UGT1A8: variants seen among roughly 807,000 people sequenced by gnomAD.
UGT1A8 encodes the protein UDP-glucuronosyltransferase 1A8.
In UGT1A8, 39 loss-of-function variants were observed where a neutral mutation model predicts 45.3. The ratio of observed to expected loss-of-function variants is 0.86; its 90% confidence interval spans 0.67 to 1.12. The LOEUF is 1.12. UGT1A8 is among the 50% of genes most tolerant of loss of function. The probability of loss-of-function intolerance (pLI) is 0.00; values close to 1 mark genes in which losing one functional copy is unlikely to be tolerated. For synonymous variants in UGT1A8, 275 were observed against 249.2 expected, an observed-to-expected ratio of 1.10 and a Z score of -0.97; for missense variants, 719 against 664.9, an observed-to-expected ratio of 1.08 and a Z score of -0.90.
chr2:233,694,538 T>G (rs530909274), intron 1 of UGT1A8, among the ~76,000 whole-genome samples: 1 of 152,310 alleles, frequency 6.6e-6, no homozygotes, highest in South Asian at 2.1e-4. Context: ...CAGAGTTACT[T>G]TGGAAAATAA....
chr2:233,625,368 G>A (rs557488547), intron 1 of UGT1A8, among the ~76,000 whole-genome samples: 1 of 152,180 alleles, frequency 6.6e-6, no homozygotes, highest in African/African-American at 2.4e-5. Flanking sequence ...ATCATCCCCT[G>A]TGGGAAGTAG....
chr2:233,755,126 C>T, intron 1 of UGT1A8: 1 of 1,323,304 alleles, frequency 7.6e-7, no homozygotes, highest in Non-Finnish European at 1.0e-6. Flanking sequence ...CCTCAGCCAC[C>T]TGCTTGAATC....
chr2:233,691,572 C>T, intron 1 of UGT1A8: 1 of 985,674 alleles, frequency 1.0e-6, no homozygotes, highest in Non-Finnish European at 1.2e-6. Flanking sequence ...CCACCTCTCA[C>T]TGGGACAGCC....
At chr2:233,702,904 T>C (rs1326367671) in intron 1 of UGT1A8, among the ~76,000 whole-genome samples, 1 of 152,212 alleles carries the variant, frequency 6.6e-6, no homozygotes, top group Admixed American at 6.5e-5. Context: ...TAAGAGATAT[T>C]GGAAGTCTTA....
At chr2:233,663,130 A>C (rs946932050) in intron 1 of UGT1A8, among the ~76,000 whole-genome samples, 1 of 152,042 alleles carries the variant, frequency 6.6e-6, no homozygotes, top group Non-Finnish European at 1.5e-5. Flanking sequence ...TTAAACAATA[A>C]TTGCCCATTC....
At chr2:233,729,604 G>C in intron 1 of UGT1A8, 2 of 1,613,996 alleles carry the variant, frequency 1.2e-6, no homozygotes, top group Non-Finnish European at 1.7e-6. Context: ...CTGCGCGGCA[G>C]TGCTGGCTAA....
intron 1 of UGT1A8, among the ~76,000 whole-genome samples, chr2:233,676,137 A>T (rs550615661): frequency 2.6e-5 from 4 of 152,158 alleles, no homozygotes; most frequent in Non-Finnish European, 4.4e-5. Context: ...GGGGTCCTTG[A>T]GCTCCAGCGT....
intron 1 of UGT1A8, among the ~76,000 whole-genome samples, chr2:233,724,368 T>C (rs1161929215): frequency 2.1e-4 from 26 of 126,786 alleles, no homozygotes; most frequent in South Asian, 9.2e-4. Context: ...CCGGACGGGG[T>C]GGCTGCCGGG....
intron 1 of UGT1A8, chr2:233,719,203 G>T (rs145806554): frequency 2.5e-6 from 4 of 1,614,124 alleles, no homozygotes; most frequent in Admixed American, 3.3e-5. Flanking sequence ...CATAGGTGTT[G>T]TGTGGAGCTA....
At chr2:233,766,252 CGCT>C (rs1699078846) in intron 1 of UGT1A8, among the ~76,000 whole-genome samples, 1 of 151,626 alleles carries the variant, frequency 6.6e-6, no homozygotes, top group Non-Finnish European at 1.5e-5. Flanking sequence ...GGAGTCAGAC[CGCT>C]CAGTGGCCCG....
chr2:233,660,365 A>G (rs1383977195), intron 1 of UGT1A8, among the ~76,000 whole-genome samples: 1 of 152,180 alleles, frequency 6.6e-6, no homozygotes, highest in Non-Finnish European at 1.5e-5. Context: ...GGACATGGAG[A>G]CCACTTTGGC....
At chr2:233,672,893 A>G (rs964476952) in intron 1 of UGT1A8, 10 of 1,513,218 alleles carry the variant, frequency 6.6e-6, no homozygotes, top group Non-Finnish European at 7.9e-6. Flanking sequence ...GTTTCATTTC[A>G]AATTTCTTTC....
chr2:233,661,669 T>TTCTTTCTTTCTC (rs2073971394), intron 1 of UGT1A8, among the ~76,000 whole-genome samples: 1 of 147,832 alleles, frequency 6.8e-6, no homozygotes, highest in African/African-American at 2.5e-5. Flanking sequence ...CTTTCTTTCT[T>TTCTTTCTTTCTC]TCTTTCTTTC....
At chr2:233,623,233 T>G (rs1041908597) in intron 1 of UGT1A8, among the ~76,000 whole-genome samples, 10 of 152,184 alleles carry the variant, frequency 6.6e-5, no homozygotes, top group African/African-American at 2.4e-4. Context: ...CCATATGAAA[T>G]TTAAAGTAGT....
intron 1 of UGT1A8, chr2:233,693,238 T>G (rs1048987218): frequency 6.2e-7 from 1 of 1,614,024 alleles, no homozygotes; most frequent in African/African-American, 1.3e-5. Context: ...GAAAAATCTA[T>G]CCAGTGCCGT....
chr2:233,767,100 GTC>G lies in UGT1A8; in HGVS notation c.925_926del (p.Ser309ArgfsTer12). 6.2e-7 allele frequency: 1 copy of G among 1,614,092 alleles called. No homozygotes were observed. The highest frequency in any genetic ancestry group is 8.5e-7 in the Non-Finnish European group (1 of 1,180,010). The stretch of plus-strand genomic sequence containing the variant: ...TGTGGTTTTCTCTTTGGGATCAATG[GTC>G]TCAGAAATTCCAGAGAAGAAAGCTA... ...GIVVFSLGSMVSEIPEKKAMA... is the reference protein window; with the variant it reads ...GIVVFSLGSMXSEIPEKKAMA... On this transcript the variant is annotated frameshift_variant, in exon 2 of 5. Transcript: ENST00000373450. LOFTEE classifies it high-confidence loss of function.
intron 1 of UGT1A8, among the ~76,000 whole-genome samples, chr2:233,641,060 C>T (rs2073438821): frequency 6.6e-6 from 1 of 152,150 alleles, no homozygotes; most frequent in Admixed American, 6.5e-5. Context: ...TCACTGCAAC[C>T]TTGGCATTAT....
intron 1 of UGT1A8, chr2:233,760,989 C>T: frequency 6.2e-7 from 1 of 1,614,198 alleles, no homozygotes; most frequent in Non-Finnish European, 8.5e-7. Context: ...CAACCCTTGC[C>T]TCAGAATTCC....
In UGT1A8 at chr2:233,761,134, C is replaced by T. The variant is rs1160983011; in HGVS notation, c.856-5900C>T. ...TGTTGGTGGAATCAACTGCCTTCAC[C>T]AAAATCCACTATCCCAGGTGTGTAT... On this transcript the variant is annotated intron_variant, in intron 1 of 4. Coordinates refer to ENST00000373450, the MANE Select transcript of UGT1A8 (RefSeq NM_019076.5). 3.7e-6 allele frequency: 6 copies of T among 1,614,160 alleles called. No homozygotes were observed. Among genetic ancestry groups the T allele is most frequent in the Non-Finnish European group, 5.1e-6 (6 of 1,180,024 alleles).
Sources: allele counts gnomAD v4.1 joint callset (sites outside exome capture counted in the v4.1 genomes callset), GRCh38; gene constraint gnomAD v4.1.1; transcripts MANE v1.5; gene names NCBI Gene and HGNC (gene_info 2026-07-23, HGNC 2026-07-21).